The following TNC variants were observed in gnomAD, a reference collection of about 807,000 sequenced individuals.
TNC encodes tenascin.
Under a neutral mutation model 202.4 loss-of-function variants are expected in TNC, and 109 were observed. That is an observed-to-expected ratio of 0.54 (90% CI 0.46 to 0.63). TNC has a LOEUF of 0.63. TNC is among the 30% of genes least tolerant of loss of function. The pLI is 0.00. For missense variants in TNC, 2,756 were observed against 2,833.3 expected (o/e 0.97, Z 0.62); for synonymous variants, 1,007 against 1,089.7 (o/e 0.92, Z 1.50).
chr9:115,043,280 T>A (rs1411455), intron 17 of TNC, among the ~76,000 whole-genome samples: 1 of 152,052 alleles, frequency 6.6e-6, no homozygotes, highest in Non-Finnish European at 1.5e-5. Flanking sequence ...GGTTTTTTTT[T>A]CTTCCTCTTT....
chr9:115,086,184 C>T lies in TNC; in HGVS notation c.1547G>A (p.Cys516Tyr). 6.2e-7 allele frequency: 1 copy of T among 1,614,176 alleles called. No homozygotes were observed. The highest frequency in any genetic ancestry group is 8.5e-7 in the Non-Finnish European group (1 of 1,180,042). ...SNRGLCVDGQCVCEDGFTGPD... is the reference protein window; with the variant it reads ...SNRGLCVDGQYVCEDGFTGPD... ...GCCGGTGAAGCCGTCCTCACAGACG[C>T]ACTGTCCGTCCACACAGAGGCCCCT... The change falls in exon 3 of 28, where the codon TGC (cysteine) becomes TAC (tyrosine). Residue 516 changes from cysteine to tyrosine, a missense_variant. This residue lies in a region of TNC where 2,559 missense variants were observed against 2,546.0 expected (regional missense o/e 1.01). Coordinates refer to ENST00000350763, the MANE Select transcript of TNC (RefSeq NM_002160.4).
intron 1 of TNC, among the ~76,000 whole-genome samples, chr9:115,111,399 CTTTTTTTTTTT>C (rs71375272): frequency 2.8e-5 from 2 of 71,340 alleles, no homozygotes; most frequent in African/African-American, 6.0e-5. Context: ...CTCTCTCTCT[CTTTTTTTTTTT>C]TTTTTTTTTT....
At chr9:115,062,112 G>A (rs937286593) in intron 13 of TNC, among the ~76,000 whole-genome samples, 1 of 152,170 alleles carries the variant, frequency 6.6e-6, no homozygotes, top group Non-Finnish European at 1.5e-5. Flanking sequence ...CAGCCCTAAC[G>A]TTTGTGCTAT....
intron 13 of TNC, among the ~76,000 whole-genome samples, chr9:115,062,706 A>G (rs1435604511): frequency 6.6e-6 from 1 of 151,902 alleles, no homozygotes; most frequent in Non-Finnish European, 1.5e-5. Flanking sequence ...GTGTGTGTGT[A>G]TATATGTGTA....
intron 15 of TNC, among the ~76,000 whole-genome samples, chr9:115,054,386 A>G (rs1437612676): frequency 6.6e-6 from 1 of 152,252 alleles, no homozygotes; most frequent in Non-Finnish European, 1.5e-5. Context: ...TTGCAGCTAT[A>G]GCTTTGACAA....
intron 1 of TNC, among the ~76,000 whole-genome samples, chr9:115,104,477 C>G (rs1004380145): frequency 1.7e-4 from 26 of 152,142 alleles, no homozygotes; most frequent in African/African-American, 6.3e-4. Flanking sequence ...ATGGGAGAGA[C>G]AGGGGCATTG....
At chr9:115,044,308 A>C (rs1047563608) in intron 17 of TNC, among the ~76,000 whole-genome samples, 1 of 151,510 alleles carries the variant, frequency 6.6e-6, no homozygotes, top group Non-Finnish European at 1.5e-5. Context: ...GATGAGGTGA[A>C]GATAGAAATT....
intron 22 of TNC, among the ~76,000 whole-genome samples, chr9:115,034,264 T>C (rs1483201257): frequency 1.3e-5 from 2 of 152,096 alleles, no homozygotes; most frequent in East Asian, 3.9e-4. Flanking sequence ...TATGGCACTG[T>C]TATTTGGGGG....
At chr9:115,068,896 G>T (rs1236904128) in intron 10 of TNC, among the ~76,000 whole-genome samples, 1 of 152,110 alleles carries the variant, frequency 6.6e-6, no homozygotes, top group East Asian at 1.9e-4. Flanking sequence ...TTAGGTCTGT[G>T]ATGGGTACCT....
chr9:115,111,702 A>G (rs1359438474), intron 1 of TNC, among the ~76,000 whole-genome samples: 3 of 152,030 alleles, frequency 2.0e-5, no homozygotes, highest in Non-Finnish European at 4.4e-5. Context: ...GTGAGCGACC[A>G]TGCCCGGTAA....
At chr9:115,038,896 C>T (rs574061322) in intron 19 of TNC, among the ~76,000 whole-genome samples, 102 of 152,188 alleles carry the variant, frequency 6.7e-4, no homozygotes, top group Non-Finnish European at 1.2e-3. Context: ...GGCACGATCT[C>T]GGCTCACTGC....
In TNC at chr9:115,076,451, C is replaced by A. The variant is rs760415756; in HGVS notation, c.2799G>T (p.Gly933=). Residue 933 remains glycine, a synonymous_variant, in exon 8 of 28, where the codon GGG becomes GGT. Transcript: ENST00000350763. ...TTGGAACATCAACCTCAGCGTGGTC[C>A]CCTCCAGAGATGGGGGCATACTTAA... The part of the protein sequence containing the change: ...YRIKYAPISG[G]DHAEVDVPKS... 16 of 1,614,110 alleles carry A rather than the reference C, an allele frequency of 9.9e-6. No individual in the cohort carries two copies. In the South Asian group the frequency reaches 1.8e-4, roughly 18 times the overall value.
chr9:115,075,106 CCTT>C (rs1338224960), intron 9 of TNC, among the ~76,000 whole-genome samples: 1 of 152,070 alleles, frequency 6.6e-6, no homozygotes, highest in Non-Finnish European at 1.5e-5. Context: ...ACACTAGCCT[CCTT>C]CTTCCTCATA....
intron 2 of TNC, among the ~76,000 whole-genome samples, chr9:115,088,839 A>G (rs1834997014): frequency 6.6e-6 from 1 of 152,158 alleles, no homozygotes. Flanking sequence ...TACACATCAG[A>G]TTCCAAATAG....
chr9:115,041,079 G>A lies in TNC; in HGVS notation c.5254C>T (p.Pro1752Ser), dbSNP rs201089236. ...ITYVPITGGT[P>S]SMVTVDGTKT... Reference sequence around the variant, plus strand: ...GTTCCGTCCACAGTTACCATGGAGGGTGTACCTGGAACACAGTAAAAGCAA... The same window carrying A: ...GTTCCGTCCACAGTTACCATGGAGGATGTACCTGGAACACAGTAAAAGCAA... Residue 1752 changes from proline to serine, a missense_variant, in exon 19 of 28, where the codon CCC becomes TCC. Physicochemically the swap from Pro to Ser is moderately conservative, Grantham distance 74. This residue lies in a region of TNC where 2,559 missense variants were observed against 2,546.0 expected (regional missense o/e 1.01). Coordinates refer to ENST00000350763, the MANE Select transcript of TNC (RefSeq NM_002160.4). 4 of 1,612,752 alleles carry A rather than the reference G, an allele frequency of 2.5e-6. No homozygotes were observed. Among genetic ancestry groups the A allele is most frequent in the African/African-American group, 1.3e-5 (1 of 74,874 alleles).
At chr9:115,087,575 C>G (rs1834877466) in intron 2 of TNC, among the ~76,000 whole-genome samples, 1 of 143,554 alleles carries the variant, frequency 7.0e-6, no homozygotes, top group Non-Finnish European at 1.5e-5. Flanking sequence ...TATTTCCACC[C>G]CTGGGGAGCG....
At chr9:115,104,745 TA>T (rs1220331829) in intron 1 of TNC, among the ~76,000 whole-genome samples, 1 of 152,166 alleles carries the variant, frequency 6.6e-6, no homozygotes, top group Non-Finnish European at 1.5e-5. Flanking sequence ...TTGGGCATAT[TA>T]AAAAATAAAA....
intron 15 of TNC, chr9:115,052,605 C>A (rs144375105): frequency 2.2e-5 from 13 of 591,794 alleles, no homozygotes; most frequent in Middle Eastern, 4.4e-4. Context: ...TAAATATATA[C>A]AATTACTATT....
chr9:115,092,886 G>A (rs774635976), intron 1 of TNC, among the ~76,000 whole-genome samples: 3 of 151,904 alleles, frequency 2.0e-5, no homozygotes, highest in Non-Finnish European at 2.9e-5. Flanking sequence ...GTGCCTGGCT[G>A]CTATTTGGTT....
Sources: allele counts gnomAD v4.1 joint callset (sites outside exome capture counted in the v4.1 genomes callset), GRCh38; gene constraint gnomAD v4.1.1; regional missense constraint gnomAD v4.1.1; transcripts MANE v1.5; gene names NCBI Gene and HGNC (gene_info 2026-07-23, HGNC 2026-07-21).